The following DLL3 variants were observed in gnomAD, a reference collection of about 807,000 sequenced individuals.
The protein encoded by DLL3 is delta like canonical Notch ligand 3, also known as delta-like protein 3.
DLL3 carries 49 observed loss-of-function variants against 55.0 expected under a neutral mutation model. The observed-to-expected ratio is 0.89, with a 90% confidence interval of 0.71 to 1.13. The LOEUF is 1.13. Among genes scored for constraint, DLL3 ranks in the 50% most tolerant of loss-of-function variants. The pLI, the probability that DLL3 is intolerant of heterozygous loss-of-function variation, is 0.00. For missense variants in DLL3, 962 were observed against 875.5 expected, an observed-to-expected ratio of 1.10 and a Z score of -1.25; for synonymous variants, 421 against 385.2, an observed-to-expected ratio of 1.09 and a Z score of -1.09.
rs1175077053 is a variant in DLL3 at position 39,502,069 on chromosome 19, C to T, written c.410-746C>T. 2.0e-5 allele frequency among the ~76,000 whole-genome samples: 3 copies of T among 151,280 alleles called. No individual in the cohort carries two copies. The South Asian group carries it at 6.3e-4, about 32-fold the overall frequency. ...GGGCGTGGTGGCAGGCGCCTGTAGT[C>T]CCAGCTACTCGGGAGGCTGAGGCAG... On this transcript the variant is annotated intron_variant, in intron 3 of 8. Transcript: ENST00000356433.
At chr19:39,507,966 C>G in intron 8 of DLL3, 52 bp downstream of exon 8, 1 of 1,614,078 alleles carries the variant, frequency 6.2e-7, no homozygotes, top group Non-Finnish European at 8.5e-7. Context: ...TGGGCAGAGG[C>G]AGCACCTGCT....
rs1433266724 is a variant in DLL3, at chr19:39,507,117, A to G, written c.1172A>G (p.Asp391Gly). The change falls in exon 7 of 9, where the codon GAC becomes GGC. Residue 391 changes from aspartate (D) to glycine (G), a missense_variant. By Grantham distance (94) the Asp-to-Gly change is moderately conservative. Transcript: ENST00000356433. The part of the protein sequence containing the change: ...AGFAGPRCEH[D>G]LDDCAGRACA... Reference sequence around the variant, plus strand: ...TTCGCGGGTCCTCGCTGCGAGCACGACCTGGACGACTGCGCGGGCCGCGCC... The same window carrying G: ...TTCGCGGGTCCTCGCTGCGAGCACGGCCTGGACGACTGCGCGGGCCGCGCC... 1.3e-6 allele frequency: 2 copies of G among 1,535,328 alleles called. No individual in the cohort carries two copies. Among genetic ancestry groups the G allele is most frequent in the Non-Finnish European group, 1.7e-6 (2 of 1,148,588 alleles).
intron 4 of DLL3, among the ~76,000 whole-genome samples, chr19:39,503,555 G>T (rs557669077): frequency 6.6e-6 from 1 of 152,248 alleles, no homozygotes; most frequent in African/African-American, 2.4e-5. Flanking sequence ...TCCCTCCCTA[G>T]GGTTGCAGGC....
chr19:39,507,289 C>G lies in DLL3; in HGVS notation c.1344C>G (p.Phe448Leu), dbSNP rs1453643209. 1 of 1,545,930 alleles carries G rather than the reference C, an allele frequency of 6.5e-7. No individual in the cohort carries two copies. The highest frequency in any genetic ancestry group is 2.4e-5 in the East Asian group (1 of 41,580). ...CAHGGRCYAHFSGLVCACAPG... is the reference protein window; with the variant it reads ...CAHGGRCYAHLSGLVCACAPG... ...ACGGCGGCCGCTGCTACGCCCACTT[C>G]TCCGGCCTCGTCTGCGCTTGCGCTC... The change falls in exon 7 of 9, where the codon TTC becomes TTG. Residue 448 changes from phenylalanine to leucine, a missense_variant. Transcript: ENST00000356433.
chr19:39,507,195 G>C lies in DLL3; in HGVS notation c.1250G>C (p.Cys417Ser). ...GGCGGCGGCGCGCACCGCTGCTCCT[G>C]CGCGCTGGGCTTCGGCGGCCGCGAC... ...VEGGGAHRCSCALGFGGRDCR... is the reference protein window; with the variant it reads ...VEGGGAHRCSSALGFGGRDCR... The change falls in exon 7 of 9, where the codon TGC (cysteine) becomes TCC (serine). Residue 417 changes from cysteine to serine, a missense_variant. Physicochemically the swap from Cys to Ser is moderately radical, Grantham distance 112. Coordinates refer to ENST00000356433, the MANE Select transcript of DLL3 (RefSeq NM_203486.3). 1 of 1,312,246 alleles carries C rather than the reference G, an allele frequency of 7.6e-7. No homozygotes were observed. The highest frequency in any genetic ancestry group is 9.6e-7 in the Non-Finnish European group (1 of 1,040,944). The allele number at this position is 1,312,246 out of a possible 1,614,324, so 81.3% of individuals were successfully genotyped here.
Position 39,507,857 on chromosome 19 carries a change from A to G in DLL3, c.1701A>G (p.Glu567=). Reference sequence around the variant, plus strand: ...CGTCCGTAGATTGGAATCGCCCTGAAGATGTAGACCCTCAAGGGATTTATG... The same window carrying G: ...CGTCCGTAGATTGGAATCGCCCTGAGGATGTAGACCCTCAAGGGATTTATG... ...PSSSVDWNRP[E]DVDPQGIYVI... Residue 567 remains glutamate, a synonymous_variant, in exon 8 of 9, where the codon GAA becomes GAG. Transcript: ENST00000356433. The G allele has an allele frequency of 3.1e-6, 5 of 1,614,050 alleles. No homozygotes were observed. The highest frequency in any genetic ancestry group is 4.2e-6 in the Non-Finnish European group (5 of 1,180,014).
rs576748683 is a variant in DLL3, at chr19:39,508,101, C to G, written c.1759-151C>G. On this transcript the variant is annotated intron_variant, in intron 8 of 8. Coordinates refer to ENST00000356433, the MANE Select transcript of DLL3 (RefSeq NM_203486.3). ...TTTGCATCCCTCTTATCGTTTTGAG[C>G]TACCTGCCATCTTCTCTTTGAAAAA... 3 of 1,609,648 alleles carry G rather than the reference C, an allele frequency of 1.9e-6. No homozygotes were observed. The Admixed American group carries it at 5.1e-5, about 27-fold the overall frequency.
At position 39,503,033 on chromosome 19, in the gene DLL3, C is replaced by G. The variant is rs1251882552; in HGVS notation, c.628C>G (p.Leu210Val). 6.6e-7 allele frequency: 1 copy of G among 1,520,620 alleles called. No homozygotes were observed. The highest frequency in any genetic ancestry group is 8.8e-7 in the Non-Finnish European group (1 of 1,140,880). The allele number at this position is 1,520,620 out of a possible 1,614,324, so 94.2% of individuals were successfully genotyped here. A position where few individuals can be genotyped will look rare whatever the true frequency, so the allele number is the denominator to read the frequency against. ...CGPGLRPCAPLEDECEAPLVC... is the reference protein window; with the variant it reads ...CGPGLRPCAPVEDECEAPLVC... ...TCCGGGACTGCGCCCCTGCGCACCG[C>G]TCGAGGACGAATGTGAGGCGCCGCG... The change falls in exon 4 of 9, where the codon CTC (leucine) becomes GTC (valine). Residue 210 changes from leucine (L) to valine (V), a missense_variant. Physicochemically the swap from Leu to Val is conservative, Grantham distance 32. Coordinates refer to ENST00000356433, the MANE Select transcript of DLL3 (RefSeq NM_203486.3).
At chr19:39,508,003 C>A (rs776415255) in intron 8 of DLL3, 89 bp downstream of exon 8, 4 of 1,613,346 alleles carry the variant, frequency 2.5e-6, no homozygotes, top group Non-Finnish European at 3.4e-6. Context: ...TCGATTCTGT[C>A]CGTGAAATGA....
chr19:39,499,827 C>T (rs1241385425), intron 2 of DLL3, among the ~76,000 whole-genome samples: 5 of 150,938 alleles, frequency 3.3e-5, no homozygotes, highest in Admixed American at 6.6e-5. Flanking sequence ...CACACCTTGT[C>T]TTGGGGACCA....
chr19:39,505,311 A>G lies in DLL3; in HGVS notation c.953A>G (p.Asp318Gly). The G allele has an allele frequency of 6.2e-7, 1 of 1,614,102 alleles. No homozygotes were observed. The highest frequency in any genetic ancestry group is 8.5e-7 in the Non-Finnish European group (1 of 1,179,998). Residue 318 changes from aspartate to glycine, a missense_variant, in exon 6 of 9, where the codon GAT becomes GGT. Physicochemically the swap from Asp to Gly is moderately conservative, Grantham distance 94 (BLOSUM62 -1). Coordinates refer to ENST00000356433, the MANE Select transcript of DLL3 (RefSeq NM_203486.3). ...RCEVSGVTCA[D>G]GPCFNGGLCV... ...GAGGTGAGCGGGGTGACATGTGCAG[A>G]TGGACCCTGCTTCAACGGCGGCTTG...
At position 39,500,901 on chromosome 19, in the gene DLL3, G is replaced by C. The variant is rs11574521; in HGVS notation, c.409+229G>C. 0.28 allele frequency among the ~76,000 whole-genome samples: 42,762 copies of C among 151,872 alleles called. 6,456 individuals are homozygous for C. Among genetic ancestry groups the C allele is most frequent in the Middle Eastern group, 0.41 (121 of 294 alleles). On this transcript the variant is annotated intron_variant, in intron 3 of 8. Transcript: ENST00000356433. The stretch of plus-strand genomic sequence containing the variant: ...TAGGGGAAGCTCTCTTACTATCAAG[G>C]CTCCAGAGCAGAGTGTAGCATTTCA...
At chr19:39,502,747 G>C in intron 3 of DLL3, 68 bp from the exon 4 acceptor site, 2 of 1,291,876 alleles carry the variant, frequency 1.5e-6, no homozygotes, top group Middle Eastern at 3.0e-4. Context: ...AATGCGGCCG[G>C]GGCGCTCCGT....
At chr19:39,503,837 A>G (rs942196294) in intron 4 of DLL3, among the ~76,000 whole-genome samples, 1 of 151,356 alleles carries the variant, frequency 6.6e-6, no homozygotes, top group Non-Finnish European at 1.5e-5. Context: ...GGTTCACATC[A>G]TCACTCCTCC....
chr19:39,504,823 T>C (rs1389033170), intron 5 of DLL3, among the ~76,000 whole-genome samples: 1 of 151,932 alleles, frequency 6.6e-6, no homozygotes, highest in Non-Finnish European at 1.5e-5. Context: ...ACCTGGATAC[T>C]GCCACACTCA....
At chr19:39,502,409 C>T (rs756708884) in intron 3 of DLL3, among the ~76,000 whole-genome samples, 2 of 151,654 alleles carry the variant, frequency 1.3e-5, no homozygotes, top group African/African-American at 2.4e-5. Flanking sequence ...ATTACAGGTG[C>T]GTGCCACCAC....
At position 39,502,907 on chromosome 19, in the gene DLL3, T is replaced by A. The variant is rs1186204368; in HGVS notation, c.502T>A (p.Trp168Arg). ...CCGGGACATTCAGCGCGCAGGCGCC[T>A]GGGAGCTGCGCTTCTCGTACCGCGC... ...WARDIQRAGA[W>R]ELRFSYRARC... Residue 168 changes from tryptophan to arginine, a missense_variant, in exon 4 of 9, where the codon TGG becomes AGG. Coordinates refer to ENST00000356433, the MANE Select transcript of DLL3 (RefSeq NM_203486.3). 2 of 1,446,232 alleles carry A rather than the reference T, an allele frequency of 1.4e-6. No homozygotes were observed. Among genetic ancestry groups the A allele is most frequent in the Non-Finnish European group, 1.8e-6 (2 of 1,104,754 alleles). 89.6% of individuals were successfully genotyped at this position (1,446,232 alleles called of 1,614,324 possible).
At chr19:39,499,496 T>C in intron 2 of DLL3, 23 bp downstream of exon 2, 1 of 1,576,774 alleles carries the variant, frequency 6.3e-7, no homozygotes, top group Non-Finnish European at 8.6e-7. Context: ...CCCGGGGGAC[T>C]CCCGGTGCTG....
intron 6 of DLL3, among the ~76,000 whole-genome samples, chr19:39,506,047 C>T (rs1422044768): frequency 6.6e-6 from 1 of 151,830 alleles, no homozygotes; most frequent in African/African-American, 2.4e-5. Flanking sequence ...CCCGTCTCTA[C>T]TAAAAATACA....
Sources: allele counts gnomAD v4.1 joint callset (sites outside exome capture counted in the v4.1 genomes callset), GRCh38; gene constraint gnomAD v4.1.1; transcripts MANE v1.5; gene names NCBI Gene and HGNC (gene_info 2026-07-23, HGNC 2026-07-21).